FSTL4: variants seen among roughly 807,000 people sequenced by gnomAD.
FSTL4 encodes the protein follistatin-related protein 4.
A neutral mutation model predicts 78.2 loss-of-function variants in FSTL4; 28 were observed. That is an observed-to-expected ratio of 0.36 (90% CI 0.27 to 0.49). FSTL4 has a LOEUF of 0.49. Ranked by LOEUF, FSTL4 falls within the 20% of genes least tolerant of loss-of-function variation. The probability of loss-of-function intolerance (pLI) is 0.98; values close to 1 mark genes in which losing one functional copy is unlikely to be tolerated. For synonymous variants in FSTL4, 422 were observed against 440.5 expected, an observed-to-expected ratio of 0.96 and a Z score of 0.53; for missense variants, 922 against 1,084.9, an observed-to-expected ratio of 0.85 and a Z score of 2.11.
At chr5:133,295,070 G>T (rs533025299) in intron 6 of FSTL4, among the ~76,000 whole-genome samples, 1 of 152,014 alleles carries the variant, frequency 6.6e-6, no homozygotes, top group Admixed American at 6.5e-5. Context: ...AGATCACTCC[G>T]CCTCCTCTGC....
chr5:133,399,817 C>G (rs2126970398), intron 4 of FSTL4, among the ~76,000 whole-genome samples: 2 of 152,374 alleles, frequency 1.3e-5, no homozygotes, highest in South Asian at 4.1e-4. Context: ...GTAGCTCAGG[C>G]TATGTGGGCC....
chr5:133,783,771 G>T, the FSTL4 span, among the ~76,000 whole-genome samples: 1 of 152,196 alleles, frequency 6.6e-6, no homozygotes, highest in Non-Finnish European at 1.5e-5. Context: ...AGACTGGACT[G>T]TAGTTCAAGG....
At chr5:133,652,770 C>T in the FSTL4 span, among the ~76,000 whole-genome samples, 2 of 152,152 alleles carry the variant, frequency 1.3e-5, no homozygotes, top group African/African-American at 2.4e-5. Flanking sequence ...AAGGACCACA[C>T]TTATTCTGGT....
intron 4 of FSTL4, among the ~76,000 whole-genome samples, chr5:133,383,157 A>C (rs959952711): frequency 1.3e-5 from 2 of 152,310 alleles, no homozygotes; most frequent in African/African-American, 4.8e-5. Context: ...AATGTCTCCC[A>C]GTCACAGCTC....
chr5:133,237,178 C>G (rs779835730), intron 7 of FSTL4, among the ~76,000 whole-genome samples: 9 of 152,134 alleles, frequency 5.9e-5, no homozygotes, highest in Non-Finnish European at 1.0e-4. Context: ...AGTCTCGTCC[C>G]CACTTCCCCA....
At chr5:133,744,484 G>A in the FSTL4 span, among the ~76,000 whole-genome samples, 2 of 152,162 alleles carry the variant, frequency 1.3e-5, no homozygotes, top group African/African-American at 2.4e-5. Flanking sequence ...TAGGCACCAC[G>A]ACATCCCTTT....
chr5:133,787,002 C>A, the FSTL4 span, among the ~76,000 whole-genome samples: 1 of 152,096 alleles, frequency 6.6e-6, no homozygotes, highest in African/African-American at 2.4e-5. Context: ...CAAACCTGAG[C>A]AGGCTGACCT....
intron 4 of FSTL4, among the ~76,000 whole-genome samples, chr5:133,390,618 C>T (rs1268637745): frequency 6.6e-6 from 1 of 152,250 alleles, no homozygotes; most frequent in African/African-American, 2.4e-5. Context: ...GAGGACTCAA[C>T]TCCACAGACC....
At chr5:133,395,793 G>A (rs1025271092) in intron 4 of FSTL4, among the ~76,000 whole-genome samples, 7 of 152,082 alleles carry the variant, frequency 4.6e-5, no homozygotes, top group Non-Finnish European at 1.0e-4. Context: ...CACCTTGAAG[G>A]TCCCCTCTCC....
chr5:133,644,905 C>T, the FSTL4 span, among the ~76,000 whole-genome samples: 1 of 152,040 alleles, frequency 6.6e-6, no homozygotes, highest in African/African-American at 2.4e-5. Context: ...TTCATTGGCC[C>T]CTCCCTGATT....
At chr5:133,509,999 C>T (rs950303060) in intron 3 of FSTL4, among the ~76,000 whole-genome samples, 1 of 152,214 alleles carries the variant, frequency 6.6e-6, no homozygotes, top group South Asian at 2.1e-4. Context: ...GGTCCACTCA[C>T]TCATACTTCA....
chr5:133,766,592 C>T, the FSTL4 span, among the ~76,000 whole-genome samples: 2 of 152,164 alleles, frequency 1.3e-5, no homozygotes, highest in African/African-American at 2.4e-5. Flanking sequence ...CATAGGAAGG[C>T]TGTGGGGTAC....
the FSTL4 span, among the ~76,000 whole-genome samples, chr5:133,764,876 G>A: frequency 8.5e-5 from 13 of 152,234 alleles, no homozygotes; most frequent in Non-Finnish European, 1.3e-4. Flanking sequence ...GAAGAAATAT[G>A]CATTCTGGAA....
chr5:133,311,144 A>C (rs997843599), intron 6 of FSTL4, among the ~76,000 whole-genome samples: 13 of 152,202 alleles, frequency 8.5e-5, no homozygotes, highest in African/African-American at 2.9e-4. Flanking sequence ...TGCTTGTAAA[A>C]TTCCTGAAAA....
At chr5:133,741,571 G>T in the FSTL4 span, among the ~76,000 whole-genome samples, 4 of 152,350 alleles carry the variant, frequency 2.6e-5, no homozygotes, top group Admixed American at 2.0e-4. Context: ...GGCAAGAAAA[G>T]TGGCCAAGAC....
the FSTL4 span, among the ~76,000 whole-genome samples, chr5:133,749,802 A>G: frequency 6.6e-6 from 1 of 152,346 alleles, no homozygotes; most frequent in East Asian, 1.9e-4. Flanking sequence ...AGGTGTCAGA[A>G]ATAAAAGCAT....
chr5:133,285,043 G>C (rs1311768518), intron 6 of FSTL4, among the ~76,000 whole-genome samples: 1 of 152,192 alleles, frequency 6.6e-6, no homozygotes, highest in Non-Finnish European at 1.5e-5. Flanking sequence ...GATAGGTGAT[G>C]CTATGGAAGC....
chr5:133,604,640 C>T (rs112910160), intron 1 of FSTL4, among the ~76,000 whole-genome samples: 35,842 of 151,876 alleles, frequency 0.24, 4,452 homozygotes, highest in Admixed American at 0.33. Flanking sequence ...ACTCGGGAGG[C>T]GGAGGTTGCA....
intron 6 of FSTL4, among the ~76,000 whole-genome samples, chr5:133,295,228 C>G (rs892755592): frequency 2.0e-5 from 3 of 152,206 alleles, no homozygotes; most frequent in African/African-American, 7.2e-5. Flanking sequence ...ACGCACCCAC[C>G]ACACCGACCC....
Sources: allele counts gnomAD v4.1 joint callset (sites outside exome capture counted in the v4.1 genomes callset), GRCh38; gene constraint gnomAD v4.1.1; transcripts MANE v1.5; gene names NCBI Gene and HGNC (gene_info 2026-07-23, HGNC 2026-07-21).